Variants in TMCC3 observed in about 807,000 individuals in gnomAD.
TMCC3 encodes transmembrane and coiled-coil domain family 3.
A neutral mutation model predicts 40.2 loss-of-function variants in TMCC3; 28 were observed. The observed-to-expected ratio is 0.70, with a 90% confidence interval of 0.52 to 0.95. The LOEUF (loss-of-function observed/expected upper bound fraction) is 0.95. Ranked by LOEUF, TMCC3 falls within the 40% of genes least tolerant of loss-of-function variation. The pLI is 0.00. For missense variants in TMCC3, 554 were observed against 615.2 expected (o/e 0.90, Z 1.05); for synonymous variants, 255 against 248.5 (o/e 1.03, Z -0.25).
At chr12:94,602,232 G>A (rs961082170) in intron 1 of TMCC3, among the ~76,000 whole-genome samples, 5 of 152,154 alleles carry the variant, frequency 3.3e-5, no homozygotes, top group Non-Finnish European at 7.4e-5. Context: ...CAAAACTTCT[G>A]TGAATCATTA....
At chr12:94,602,889 C>T (rs2068761305) in intron 1 of TMCC3, among the ~76,000 whole-genome samples, 1 of 152,100 alleles carries the variant, frequency 6.6e-6, no homozygotes, top group Non-Finnish European at 1.5e-5. Context: ...ATCCAATTAA[C>T]CTTAGGTCCT....
At chr12:94,629,609 T>A (rs1469948493) in intron 1 of TMCC3, among the ~76,000 whole-genome samples, 1 of 152,148 alleles carries the variant, frequency 6.6e-6, no homozygotes, top group East Asian at 1.9e-4. Flanking sequence ...GGGCCTACCC[T>A]GCTTCTAATT....
chr12:94,582,457 C>T lies in TMCC3; in HGVS notation c.160G>A (p.Val54Ile), dbSNP rs780898679. 3.1e-6 allele frequency: 5 copies of T among 1,613,876 alleles called. No individual in the cohort carries two copies. The highest frequency in any genetic ancestry group is 3.4e-6 in the Non-Finnish European group (4 of 1,180,000). The change falls in exon 2 of 4, where the codon GTC becomes ATC. Residue 54 changes from valine to isoleucine, a missense_variant. By Grantham distance (29) the Val-to-Ile change is conservative. Coordinates refer to ENST00000261226, the MANE Select transcript of TMCC3 (RefSeq NM_020698.4). ...TGGAAGTCCAGGATGCCATCCGGGACATCAAAGTTGAGGTTGGTGTCTGAC... is the reference window on the plus strand; with the variant it reads ...TGGAAGTCCAGGATGCCATCCGGGATATCAAAGTTGAGGTTGGTGTCTGAC... ...GGSDTNLNFDVPDGILDFHKV... is the reference protein window; with the variant it reads ...GGSDTNLNFDIPDGILDFHKV...
intron 1 of TMCC3, among the ~76,000 whole-genome samples, chr12:94,626,315 TAAAG>T (rs1360123419): frequency 6.6e-5 from 10 of 152,286 alleles, no homozygotes; most frequent in African/African-American, 2.4e-4. Context: ...TCTTTATTCT[TAAAG>T]AACACCTAAG....
chr12:94,634,849 C>A (rs1274519), intron 1 of TMCC3, among the ~76,000 whole-genome samples: 139,673 of 152,322 alleles, frequency 0.92, 64,169 homozygotes, highest in African/African-American at 0.98. Context: ...TTATGCAACA[C>A]ATAGTACTTG....
chr12:94,580,307 A>G (rs2138823540), intron 2 of TMCC3, among the ~76,000 whole-genome samples: 1 of 152,346 alleles, frequency 6.6e-6, no homozygotes, highest in South Asian at 2.1e-4. Flanking sequence ...CAGCCTACAA[A>G]ACATCTACTT....
chr12:94,618,234 C>T (rs149311305), intron 1 of TMCC3, among the ~76,000 whole-genome samples: 49 of 152,252 alleles, frequency 3.2e-4, no homozygotes, highest in East Asian at 5.8e-4. Context: ...CCTATTTTTA[C>T]GGCTGCCTTC....
At chr12:94,632,612 T>C (rs1440796314) in intron 1 of TMCC3, among the ~76,000 whole-genome samples, 1 of 152,202 alleles carries the variant, frequency 6.6e-6, no homozygotes, top group African/African-American at 2.4e-5. Flanking sequence ...GTTGAAGAAG[T>C]TCTTTTTTCT....
At chr12:94,611,632 C>T (rs1280471665) in intron 1 of TMCC3, among the ~76,000 whole-genome samples, 2 of 152,086 alleles carry the variant, frequency 1.3e-5, no homozygotes, top group African/African-American at 4.8e-5. Flanking sequence ...TGTTCAAGTC[C>T]CTGATATAAA....
chr12:94,594,894 A>G (rs1217730717), intron 1 of TMCC3, among the ~76,000 whole-genome samples: 1 of 152,222 alleles, frequency 6.6e-6, no homozygotes, highest in Non-Finnish European at 1.5e-5. Flanking sequence ...CCTGTCTTGC[A>G]GAGTCTTTCG....
intron 1 of TMCC3, among the ~76,000 whole-genome samples, chr12:94,586,949 T>C (rs186575327): frequency 1.3e-5 from 2 of 152,368 alleles, no homozygotes; most frequent in African/African-American, 2.4e-5. Flanking sequence ...GTTGGAACTA[T>C]TACTGGGCTG....
intron 1 of TMCC3, among the ~76,000 whole-genome samples, chr12:94,611,599 C>A (rs2068816135): frequency 6.6e-6 from 1 of 152,156 alleles, no homozygotes; most frequent in Non-Finnish European, 1.5e-5. Context: ...CTAGGACCTC[C>A]TGCAGATACC....
intron 1 of TMCC3, among the ~76,000 whole-genome samples, chr12:94,583,053 A>G (rs2063574121): frequency 6.7e-6 from 1 of 150,342 alleles, no homozygotes; most frequent in South Asian, 2.1e-4. Flanking sequence ...TCCATCAAAC[A>G]AGAACATTAT....
intron 1 of TMCC3, chr12:94,616,244 C>T: frequency 3.7e-6 from 1 of 269,178 alleles, no homozygotes. Context: ...GGGAGGTCGA[C>T]TAGAAGGGCG....
rs187438879 is a variant in TMCC3, at chr12:94,585,568, G to A, written c.79-3030C>T. Among the ~76,000 whole-genome samples the A allele has an allele frequency of 3.6e-3, 543 of 152,092 alleles. 1 individual carries two copies. The highest frequency in any genetic ancestry group is 6.2e-3 in the Non-Finnish European group (421 of 67,976). On this transcript the variant is annotated intron_variant, in intron 1 of 3. Coordinates refer to ENST00000261226, the MANE Select transcript of TMCC3 (RefSeq NM_020698.4). ...AAAAATTAGCCAGGCATGGTGGCACGTGCCTGTAGTCCCAGCTACCCGGGA... is the reference window on the plus strand; with the variant it reads ...AAAAATTAGCCAGGCATGGTGGCACATGCCTGTAGTCCCAGCTACCCGGGA...
At position 94,592,661 on chromosome 12, in the gene TMCC3, C is replaced by CAAAAAAAAAA. The variant is rs869058316; in HGVS notation, c.79-10133_79-10124dup. On this transcript the variant is annotated intron_variant, in intron 1 of 3. Transcript: ENST00000261226. ...TGAGCCTGGACAACAGGCTCCATCTCAAAAAAAAAAAAAAAAAAAAAATTC... is the reference window on the plus strand; with the variant it reads ...TGAGCCTGGACAACAGGCTCCATCTCAAAAAAAAAAAAAAAAAAAAAAAAAAAAAAAATTC... Among the ~76,000 whole-genome samples the CAAAAAAAAAA allele has an allele frequency of 6.9e-3, 190 of 27,486 alleles. 21 individuals are homozygous for CAAAAAAAAAA. The highest frequency in any genetic ancestry group is 0.018 in the African/African-American group (131 of 7,152). The allele number at this position is 27,486 out of a possible 152,430, so 18.0% of individuals were successfully genotyped here.
At position 94,589,413 on chromosome 12, in the gene TMCC3, G is replaced by A. The variant is rs76954935; in HGVS notation, c.79-6875C>T. On this transcript the variant is annotated intron_variant, in intron 1 of 3. Transcript: ENST00000261226. ...CCCAGGTTACGGTGGGGCCTCTACC[G>A]TCTGGACGTTCTCTAAAAGACAGAG... 1.3e-4 allele frequency among the ~76,000 whole-genome samples: 20 copies of A among 151,848 alleles called. No homozygotes were observed. The East Asian group carries it at 3.1e-3, about 23-fold the overall frequency.
chr12:94,625,159 A>AAAAT (rs1555285427), intron 1 of TMCC3, among the ~76,000 whole-genome samples: 10 of 146,608 alleles, frequency 6.8e-5, no homozygotes, highest in Admixed American at 6.1e-4. Flanking sequence ...AAAAAAAAAA[A>AAAAT]TTTTTTTTTT....
At chr12:94,605,533 C>T (rs2068777636) in intron 1 of TMCC3, among the ~76,000 whole-genome samples, 1 of 152,062 alleles carries the variant, frequency 6.6e-6, no homozygotes, top group African/African-American at 2.4e-5. Flanking sequence ...TCATTTGAAG[C>T]TAAGGATAGC....
Sources: allele counts gnomAD v4.1 joint callset (sites outside exome capture counted in the v4.1 genomes callset), GRCh38; gene constraint gnomAD v4.1.1; transcripts MANE v1.5; gene names NCBI Gene and HGNC (gene_info 2026-07-23, HGNC 2026-07-21).